The following ADGRL4 variants were observed in gnomAD, a reference collection of about 807,000 sequenced individuals.
ADGRL4 encodes the protein EGF, latrophilin and seven transmembrane domain containing 1.
In ADGRL4, 90 loss-of-function variants were observed where a neutral mutation model predicts 74.8. The observed-to-expected ratio is 1.20, with a 90% CI of 1.02 to 1.43. ADGRL4 has a LOEUF of 1.43. Ranked by LOEUF, ADGRL4 falls within the 40% of genes most tolerant of loss-of-function variation. The pLI is 0.00. For synonymous variants in ADGRL4, 311 were observed against 279.2 expected (o/e 1.11, Z -1.14); for missense variants, 881 against 814.3 (o/e 1.08, Z -1.00).
intron 6 of ADGRL4, 91 bp from the exon 7 acceptor site, chr1:78,936,502 A>G (rs1649357295): frequency 1.7e-6 from 2 of 1,146,540 alleles, no homozygotes; most frequent in East Asian, 2.8e-5. Flanking sequence ...TTCATCCATC[A>G]TTATTGTGTT....
At chr1:78,991,097 G>A (rs1444492101) in intron 2 of ADGRL4, among the ~76,000 whole-genome samples, 2 of 151,938 alleles carry the variant, frequency 1.3e-5, no homozygotes, top group Non-Finnish European at 2.9e-5. Flanking sequence ...CCTTCCCCAT[G>A]CTAGTTGTAA....
chr1:78,931,742 C>G (rs1570237161), intron 7 of ADGRL4, among the ~76,000 whole-genome samples: 1 of 150,900 alleles, frequency 6.6e-6, no homozygotes, highest in South Asian at 2.1e-4. Flanking sequence ...GAAAATTAAC[C>G]AAGCAAATGG....
Position 78,968,804 on chromosome 1 carries a change from C to T in ADGRL4, c.173-22378G>A, listed in dbSNP as rs146132268. ...CCCATGAAAATTTGTTATTCACAGA[C>T]GATTGTTATCTGGTTTTAATCCTTT... On this transcript the variant is annotated intron_variant, in intron 2 of 14. Transcript: ENST00000370742. Among the ~76,000 whole-genome samples the T allele has an allele frequency of 1.4e-4, 21 of 152,218 alleles. 1 individual carries two copies. Among genetic ancestry groups the T allele is most frequent in the African/African-American group, 3.4e-4 (14 of 41,530 alleles).
intron 2 of ADGRL4, among the ~76,000 whole-genome samples, chr1:78,986,958 G>A (rs1235961230): frequency 6.6e-6 from 1 of 151,764 alleles, no homozygotes; most frequent in Non-Finnish European, 1.5e-5. Flanking sequence ...TATATATCAT[G>A]AAACTAACGA....
intron 2 of ADGRL4, among the ~76,000 whole-genome samples, chr1:78,989,529 A>G (rs899175402): frequency 6.6e-6 from 1 of 151,838 alleles, no homozygotes; most frequent in Admixed American, 6.6e-5. Flanking sequence ...AGATTAGTAA[A>G]CTGGTAAAGA....
intron 2 of ADGRL4, among the ~76,000 whole-genome samples, chr1:78,953,849 T>C (rs1164154947): frequency 6.6e-6 from 1 of 152,160 alleles, no homozygotes; most frequent in Non-Finnish European, 1.5e-5. Context: ...TAGGAGAAAC[T>C]AATAAATGGT....
At chr1:78,911,478 G>T (rs1648761095) in intron 12 of ADGRL4, among the ~76,000 whole-genome samples, 2 of 151,534 alleles carry the variant, frequency 1.3e-5, no homozygotes, top group Admixed American at 1.3e-4. Flanking sequence ...CTTTGTTTTA[G>T]CTAAACTTTT....
chr1:78,900,857 T>C lies in ADGRL4; in HGVS notation c.1750-7668A>G, dbSNP rs180919569. ...CGGTGTGAGAATGGACTAAATACAA[T>C]GTGTATATGTATATAATGAAATACC... On this transcript the variant is annotated intron_variant, in intron 12 of 14. Transcript: ENST00000370742. Among the ~76,000 whole-genome samples, 402 of 152,206 alleles carry C rather than the reference T, an allele frequency of 2.6e-3. 1 individual carries two copies. The highest frequency in any genetic ancestry group is 3.7e-3 in the Non-Finnish European group (251 of 68,002).
chr1:78,937,821 T>G lies in ADGRL4; in HGVS notation c.746A>C (p.Asn249Thr). ...TTGTTTCTTACCTATATCCGTTGAA[T>G]TTGTATCAAACTCTGTGGTCTTTTG... ...SFQKTTEFDT[N>T]STDIALKVFF... The change falls in exon 6 of 15, where the codon AAT becomes ACT. Residue 249 changes from asparagine to threonine, a missense_variant. By Grantham distance (65) the Asn-to-Thr change is moderately conservative (BLOSUM62 0). Transcript: ENST00000370742. 1 of 1,607,714 alleles carries G rather than the reference T, an allele frequency of 6.2e-7. No individual in the cohort carries two copies. The highest frequency in any genetic ancestry group is 8.5e-7 in the Non-Finnish European group (1 of 1,178,366).
intron 12 of ADGRL4, among the ~76,000 whole-genome samples, chr1:78,904,502 A>G (rs1286934651): frequency 6.6e-6 from 1 of 152,024 alleles, no homozygotes; most frequent in Non-Finnish European, 1.5e-5. Context: ...GATAATTTAT[A>G]TAAAATATTA....
Position 78,926,963 on chromosome 1 carries a change from T to G in ADGRL4, c.1006A>C (p.Ile336Leu). The G allele has an allele frequency of 1.9e-6, 3 of 1,612,168 alleles. No homozygotes were observed. Among genetic ancestry groups the G allele is most frequent in the Non-Finnish European group, 2.5e-6 (3 of 1,178,806 alleles). ...GGGTTTGAGCTCATTGAGACTGAAA[T>G]TACTGAAGATATGACTCTTTCCTCC... ...EEEERVISSV[I>L]SVSMSSNPPT... The change falls in exon 8 of 15, where the codon ATT (isoleucine) becomes CTT (leucine). Residue 336 changes from isoleucine to leucine, a missense_variant. By Grantham distance (5) the Ile-to-Leu change is conservative. Coordinates refer to ENST00000370742, the MANE Select transcript of ADGRL4 (RefSeq NM_022159.4).
intron 12 of ADGRL4, among the ~76,000 whole-genome samples, chr1:78,893,395 A>G (rs1178834527): frequency 6.6e-6 from 1 of 151,946 alleles, no homozygotes; most frequent in African/African-American, 2.4e-5. Flanking sequence ...TTATCATCAT[A>G]CCTAAAGATT....
At chr1:78,989,812 G>A (rs1056631116) in intron 2 of ADGRL4, among the ~76,000 whole-genome samples, 2 of 151,924 alleles carry the variant, frequency 1.3e-5, no homozygotes, top group Non-Finnish European at 2.9e-5. Flanking sequence ...TATGGCTGGG[G>A]TTATAACTAA....
At position 79,005,140 on chromosome 1, in the gene ADGRL4, T is replaced by C; in HGVS notation, c.102A>G (p.Glu34=). The change falls in exon 2 of 15, where the codon GAA becomes GAG. Residue 34 remains glutamate, a synonymous_variant. Transcript: ENST00000370742. The part of the protein sequence containing the change: ...KTPCLPNAKC[E]IRNGIEACYC... ...AGCAGGCTTCAATTCCATTGCGTAT[T>C]TCACATTTTGCATTTGGGAGACAAG... 6.2e-7 allele frequency: 1 copy of C among 1,613,716 alleles called. No homozygotes were observed. Among genetic ancestry groups the C allele is most frequent in the Non-Finnish European group, 8.5e-7 (1 of 1,179,782 alleles).
chr1:79,005,415 CT>C (rs750523672), intron 1 of ADGRL4, among the ~76,000 whole-genome samples, 196 bp from the exon 2 acceptor site: 1 of 152,060 alleles, frequency 6.6e-6, no homozygotes, highest in Admixed American at 6.6e-5. Context: ...AAGATGAAGG[CT>C]TTTTTTGTTC....
intron 3 of ADGRL4, 65 bp downstream of exon 3, chr1:78,946,209 T>C (rs369215955): frequency 7.1e-7 from 1 of 1,415,954 alleles, no homozygotes; most frequent in Non-Finnish European, 9.4e-7. Context: ...TGAATATGTT[T>C]AACCTCTGGA....
chr1:78,942,990 G>T (rs1392437771), intron 3 of ADGRL4, among the ~76,000 whole-genome samples: 1 of 151,958 alleles, frequency 6.6e-6, no homozygotes, highest in East Asian at 1.9e-4. Flanking sequence ...TGTATAATTA[G>T]CCAATCCAGC....
chr1:78,968,156 A>T (rs899610835), intron 2 of ADGRL4, among the ~76,000 whole-genome samples: 11 of 152,142 alleles, frequency 7.2e-5, no homozygotes, highest in African/African-American at 2.7e-4. Context: ...TACATGCATC[A>T]ATTATAATTA....
At chr1:78,978,394 A>G (rs911551940) in intron 2 of ADGRL4, among the ~76,000 whole-genome samples, 3 of 151,970 alleles carry the variant, frequency 2.0e-5, no homozygotes, top group African/African-American at 7.2e-5. Flanking sequence ...GACATTGTAG[A>G]AGTGAAAGGC....
Sources: gnomAD v4.1 joint callset for allele counts (sites outside exome capture counted in the v4.1 genomes callset) on GRCh38, gnomAD v4.1.1 for gene constraint, MANE v1.5 for transcripts, NCBI Gene and HGNC (gene_info 2026-07-23, HGNC 2026-07-21) for gene names.